Variants in TSPAN9 observed in about 807,000 individuals in gnomAD.
The protein encoded by TSPAN9 is tetraspanin-9.
Under a neutral mutation model 31.0 loss-of-function variants are expected in TSPAN9, and 16 were observed. The observed-to-expected ratio is 0.52, with a 90% CI of 0.35 to 0.78. The LOEUF (loss-of-function observed/expected upper bound fraction) is 0.78, where lower values mean the gene tolerates loss of function less well. Ranked by LOEUF, TSPAN9 falls within the 30% of genes least tolerant of loss-of-function variation. The probability of loss-of-function intolerance (pLI) is 0.01; values close to 1 mark genes in which losing one functional copy is unlikely to be tolerated. For missense variants in TSPAN9, 272 were observed against 312.5 expected (o/e 0.87, Z 0.98); for synonymous variants, 145 against 121.6 (o/e 1.19, Z -1.27).
chr12:3,134,033 G>A (rs1010988479), intron 2 of TSPAN9, among the ~76,000 whole-genome samples: 1 of 152,166 alleles, frequency 6.6e-6, no homozygotes, highest in African/African-American at 2.4e-5. Flanking sequence ...CCCCTTAGAA[G>A]GTGTGTAATG....
chr12:3,182,206 G>A (rs1346119041), intron 2 of TSPAN9, among the ~76,000 whole-genome samples: 1 of 152,008 alleles, frequency 6.6e-6, no homozygotes, highest in Middle Eastern at 3.2e-3. Context: ...TTAATTACTC[G>A]ATTAATTCAC....
chr12:3,184,287 A>G (rs1218631066), intron 2 of TSPAN9, among the ~76,000 whole-genome samples: 1 of 152,140 alleles, frequency 6.6e-6, no homozygotes, highest in Non-Finnish European at 1.5e-5. Flanking sequence ...AGTCCCAGCT[A>G]CTTGGGAGGC....
intron 1 of TSPAN9, among the ~76,000 whole-genome samples, chr12:3,082,141 C>A (rs564336046): frequency 6.6e-6 from 1 of 152,212 alleles, no homozygotes; most frequent in Non-Finnish European, 1.5e-5. Context: ...CGAATGGCTT[C>A]TGAGAGCAGA....
intron 2 of TSPAN9, among the ~76,000 whole-genome samples, chr12:3,117,155 T>C (rs2098322801): frequency 6.6e-6 from 1 of 152,188 alleles, no homozygotes; most frequent in Non-Finnish European, 1.5e-5. Context: ...CCCCTCCTGT[T>C]TTCCAGGCTG....
At chr12:3,088,635 A>C (rs554877243) in intron 2 of TSPAN9, among the ~76,000 whole-genome samples, 1 of 152,244 alleles carries the variant, frequency 6.6e-6, no homozygotes, top group South Asian at 2.1e-4. Context: ...CAGGGAGAAC[A>C]CTGGAGACCA....
At chr12:3,241,100 C>CGA (rs1195056498) in intron 3 of TSPAN9, among the ~76,000 whole-genome samples, 5 of 152,168 alleles carry the variant, frequency 3.3e-5, no homozygotes. Context: ...ACAGGCTCAT[C>CGA]CTCTGGCCCG....
At chr12:3,237,561 C>T (rs1235810091) in intron 3 of TSPAN9, among the ~76,000 whole-genome samples, 1 of 152,164 alleles carries the variant, frequency 6.6e-6, no homozygotes, top group Non-Finnish European at 1.5e-5. Flanking sequence ...CTGTCCCACC[C>T]GAGGCAGGCT....
rs115671870 is a variant in TSPAN9, at chr12:3,259,202, C to T, written c.64-19219C>T. Among the ~76,000 whole-genome samples, 1,222 of 152,360 alleles carry T rather than the reference C, an allele frequency of 8.0e-3. 15 individuals are homozygous for T. The highest frequency in any genetic ancestry group is 0.028 in the African/African-American group (1,149 of 41,584). On this transcript the variant is annotated intron_variant, in intron 3 of 8. Coordinates refer to ENST00000011898, the MANE Select transcript of TSPAN9 (RefSeq NM_006675.5). Reference sequence around the variant, plus strand: ...GAGCCAGGACAGGTATTTCGCCTCACTGGAGTCCACCGCCTTCATAGCCCA... The same window carrying T: ...GAGCCAGGACAGGTATTTCGCCTCATTGGAGTCCACCGCCTTCATAGCCCA...
chr12:3,165,606 A>G (rs1724184758), intron 2 of TSPAN9, among the ~76,000 whole-genome samples: 1 of 152,152 alleles, frequency 6.6e-6, no homozygotes, highest in African/African-American at 2.4e-5. Context: ...AGAAGGAGAT[A>G]CTGAGGCCCA....
chr12:3,133,912 T>A (rs1003131060), intron 2 of TSPAN9, among the ~76,000 whole-genome samples: 1 of 152,192 alleles, frequency 6.6e-6, no homozygotes, highest in Non-Finnish European at 1.5e-5. Flanking sequence ...TGACACTGGC[T>A]TTGCATCTTT....
intron 3 of TSPAN9, among the ~76,000 whole-genome samples, chr12:3,252,545 C>CT (rs1219837749): frequency 6.6e-6 from 1 of 152,254 alleles, no homozygotes; most frequent in East Asian, 1.9e-4. Flanking sequence ...GAGCCCCCTC[C>CT]TACTGTACAC....
rs138405471 is a variant in TSPAN9 at position 3,158,452 on chromosome 12, C to T, written c.-17-42725C>T. Among the ~76,000 whole-genome samples, 254 of 152,212 alleles carry T rather than the reference C, an allele frequency of 1.7e-3. 1 individual carries two copies. Among genetic ancestry groups the T allele is most frequent in the Middle Eastern group, 3.4e-3 (1 of 294 alleles). On this transcript the variant is annotated intron_variant, in intron 2 of 8. Coordinates refer to ENST00000011898, the MANE Select transcript of TSPAN9 (RefSeq NM_006675.5). ...GTTCCTTGCATAAAGCATAGGCTTC[C>T]GTGGCTCACGCCTATAATCCCAGCA...
intron 2 of TSPAN9, among the ~76,000 whole-genome samples, chr12:3,124,195 A>C (rs891964620): frequency 6.6e-6 from 1 of 152,206 alleles, no homozygotes; most frequent in Non-Finnish European, 1.5e-5. Context: ...AAATACTGAG[A>C]TATAGTCCCA....
chr12:3,195,173 T>G (rs1224893061), intron 2 of TSPAN9, among the ~76,000 whole-genome samples: 1 of 152,154 alleles, frequency 6.6e-6, no homozygotes, highest in East Asian at 1.9e-4. Flanking sequence ...GTGGGAATAT[T>G]CAGCATGGGT....
At chr12:3,235,757 G>C (rs1403988022) in intron 3 of TSPAN9, among the ~76,000 whole-genome samples, 1 of 152,226 alleles carries the variant, frequency 6.6e-6, no homozygotes, top group African/African-American at 2.4e-5. Flanking sequence ...CTTTCCCTGT[G>C]AGCTGGACTG....
intron 1 of TSPAN9, among the ~76,000 whole-genome samples, chr12:3,082,467 C>T (rs1213099089): frequency 1.3e-5 from 2 of 152,188 alleles, no homozygotes; most frequent in African/African-American, 4.8e-5. Flanking sequence ...TGAGTGCCCA[C>T]CGTGTGCCAG....
intron 3 of TSPAN9, among the ~76,000 whole-genome samples, chr12:3,217,560 G>A (rs1418634430): frequency 6.6e-6 from 1 of 152,174 alleles, no homozygotes; most frequent in Non-Finnish European, 1.5e-5. Context: ...TTGGAGAGGA[G>A]GAAGTTGAGT....
chr12:3,138,267 G>A (rs961543109), intron 2 of TSPAN9, among the ~76,000 whole-genome samples: 2 of 152,176 alleles, frequency 1.3e-5, no homozygotes, highest in Non-Finnish European at 2.9e-5. Flanking sequence ...GGAGACGAGA[G>A]CCCTGGGGCT....
At chr12:3,183,330 C>T (rs2098359426) in intron 2 of TSPAN9, among the ~76,000 whole-genome samples, 1 of 152,148 alleles carries the variant, frequency 6.6e-6, no homozygotes, top group Non-Finnish European at 1.5e-5. Context: ...GAGATTTTGG[C>T]CAGGATTTTC....
Sources: allele counts gnomAD v4.1 joint callset (sites outside exome capture counted in the v4.1 genomes callset), GRCh38; gene constraint gnomAD v4.1.1; transcripts MANE v1.5; gene names NCBI Gene and HGNC (gene_info 2026-07-23, HGNC 2026-07-21).